The following DNAH3 variants were observed in gnomAD, a reference collection of about 807,000 sequenced individuals.
The protein encoded by DNAH3 is dynein axonemal heavy chain 3.
Under a neutral mutation model 432.5 loss-of-function variants are expected in DNAH3, and 332 were observed. That is an observed-to-expected ratio of 0.77 (90% CI 0.70 to 0.84). DNAH3 has a LOEUF of 0.84. DNAH3 is among the 40% of genes least tolerant of loss of function. The pLI is 0.00. For missense variants in DNAH3, 4,861 were observed against 5,114.0 expected (o/e 0.95, Z 1.51); for synonymous variants, 1,956 against 1,900.2 (o/e 1.03, Z -0.76).
At chr16:21,101,648 C>T (rs1162918633) in intron 16 of DNAH3, among the ~76,000 whole-genome samples, 2 of 152,142 alleles carry the variant, frequency 1.3e-5, no homozygotes, top group Non-Finnish European at 2.9e-5. Context: ...GACAGTGAGG[C>T]ACCCAGAGAC....
intron 41 of DNAH3, among the ~76,000 whole-genome samples, chr16:21,017,326 A>G (rs1299536059): frequency 6.6e-6 from 1 of 152,090 alleles, no homozygotes; most frequent in East Asian, 1.9e-4. Flanking sequence ...TCATCAAGCT[A>G]AAAGGAAAAG....
chr16:21,143,573 C>T (rs892186113), intron 3 of DNAH3, among the ~76,000 whole-genome samples: 20 of 152,136 alleles, frequency 1.3e-4, no homozygotes, highest in African/African-American at 4.6e-4. Flanking sequence ...CCAAAAGGAA[C>T]TAAGATGATG....
rs58778008 is a variant in DNAH3, at chr16:21,005,169, CTT to C, written c.6023-1964_6023-1963del. Among the ~76,000 whole-genome samples, 1,046 of 151,006 alleles carry C rather than the reference CTT, an allele frequency of 6.9e-3. 13 individuals carry two copies. Among genetic ancestry groups the C allele is most frequent in the African/African-American group, 0.024 (995 of 40,896 alleles). On this transcript the variant is annotated intron_variant, in intron 41 of 61. Transcript: ENST00000261383. ...TCTCGTCTCTTTCTTTTCTTTCTTT[CTT>C]TTTCTTTTTCTTTCTCTTTCTCTCT...
exon 24 of DNAH3, chr16:21,067,287 G>A: frequency 6.2e-7 from 1 of 1,613,630 alleles, no homozygotes. Flanking sequence ...GGATACCTGG[G>A]GAAGAATAGT....
chr16:21,010,429 T>A (rs1425741074), intron 41 of DNAH3, among the ~76,000 whole-genome samples: 2 of 151,978 alleles, frequency 1.3e-5, no homozygotes, highest in Admixed American at 1.3e-4. Flanking sequence ...GGTCACACAA[T>A]GAATGAGTGA....
At chr16:21,141,158 TTG>T in intron 4 of DNAH3, 140 bp downstream of exon 5, 1 of 691,252 alleles carries the variant, frequency 1.4e-6, no homozygotes, top group Non-Finnish European at 2.4e-6. Context: ...AATTTTTTTT[TTG>T]ATTAAAGTGA....
In DNAH3 at chr16:21,054,399, AG is replaced by A. The variant is rs1353182565; in HGVS notation, c.4039+20del. On this transcript the variant is annotated intron_variant, in intron 28 of 61. Transcript: ENST00000261383. ...CTTCTCCTGGATAGTCAGTAATGAC[AG>A]GGGAAGCCCCCTGGCTTACCGTGGA... 25 of 1,576,016 alleles carry A rather than the reference AG, an allele frequency of 1.6e-5. No individual in the cohort carries two copies. Among genetic ancestry groups the A allele is most frequent in the Non-Finnish European group, 2.2e-5 (25 of 1,145,784 alleles).
intron 52 of DNAH3, among the ~76,000 whole-genome samples, chr16:20,968,960 G>A (rs192387851): frequency 8.6e-5 from 13 of 151,364 alleles, no homozygotes; most frequent in Non-Finnish European, 1.3e-4. Context: ...TTTCTCTGTC[G>A]CTCTCTGCAT....
intron 28 of DNAH3, among the ~76,000 whole-genome samples, chr16:21,053,034 G>A (rs1014981762): frequency 1.3e-5 from 2 of 152,110 alleles, no homozygotes; most frequent in African/African-American, 4.8e-5. Context: ...GTGGATCTAG[G>A]CTGATGAGAA....
chr16:21,006,183 ATAG>A (rs920366383), intron 41 of DNAH3, among the ~76,000 whole-genome samples: 1 of 152,210 alleles, frequency 6.6e-6, no homozygotes, highest in African/African-American at 2.4e-5. Flanking sequence ...TCTAAGCAAT[ATAG>A]TAGATGTCTA....
chr16:20,974,342 T>C (rs2085477598), intron 51 of DNAH3, among the ~76,000 whole-genome samples: 1 of 151,152 alleles, frequency 6.6e-6, no homozygotes, highest in Non-Finnish European at 1.5e-5. Flanking sequence ...CTGGCCACTT[T>C]GTTTTGTTTT....
exon 19 of DNAH3, chr16:21,086,893 T>C: frequency 6.2e-7 from 1 of 1,614,184 alleles, no homozygotes; most frequent in Non-Finnish European, 8.5e-7. Flanking sequence ...CAGGAAATAC[T>C]GAGGATGGGA....
intron 21 of DNAH3, among the ~76,000 whole-genome samples, chr16:21,074,801 C>G (rs1338116819): frequency 6.6e-6 from 1 of 152,136 alleles, no homozygotes; most frequent in East Asian, 1.9e-4. Context: ...CCAAGAGCTG[C>G]AACCCTCATC....
At position 21,032,248 on chromosome 16, in the gene DNAH3, G is replaced by A. The variant is rs2088920603; in HGVS notation, c.5198-962C>T. ...GGCTTTGATTTGAAATGAGGAAACG[G>A]GAAACAGCTGACAGGTAAAAAGGTT... On this transcript the variant is annotated intron_variant, in intron 36 of 61. Transcript: ENST00000261383. Among the ~76,000 whole-genome samples, 2 of 152,172 alleles carry A rather than the reference G, an allele frequency of 1.3e-5. 1 individual carries two copies. The highest frequency in any genetic ancestry group is 2.9e-5 in the Non-Finnish European group (2 of 68,014).
chr16:21,090,032 A>AATGCT (rs2091484398), intron 18 of DNAH3, among the ~76,000 whole-genome samples: 2 of 152,110 alleles, frequency 1.3e-5, no homozygotes, highest in Non-Finnish European at 1.5e-5. Context: ...GTAATAAGGG[A>AATGCT]ATGCTATAAA....
At chr16:21,153,629 C>G (rs1156568918) in intron 1 of DNAH3, among the ~76,000 whole-genome samples, 1 of 152,164 alleles carries the variant, frequency 6.6e-6, no homozygotes, top group Non-Finnish European at 1.5e-5. Context: ...ATAGCTGTAA[C>G]ACTCACGGTG....
At chr16:20,970,333 G>C (rs2152636235) in intron 51 of DNAH3, among the ~76,000 whole-genome samples, 1 of 152,272 alleles carries the variant, frequency 6.6e-6, no homozygotes, top group African/African-American at 2.4e-5. Context: ...AGACCAGTCT[G>C]GCCAACATGG....
intron 20 of DNAH3, among the ~76,000 whole-genome samples, chr16:21,080,106 G>A (rs1038315833): frequency 1.4e-5 from 2 of 144,080 alleles, no homozygotes; most frequent in Non-Finnish European, 3.1e-5. Flanking sequence ...AGGCCAGCCT[G>A]GCCAATGTGG....
chr16:21,081,756 T>A, intron 19 of DNAH3, 29 bp from the exon 20 acceptor site: 8 of 1,599,584 alleles, frequency 5.0e-6, no homozygotes, highest in Non-Finnish European at 6.9e-6. Context: ...AGCAAATGTT[T>A]GTTGTCCGAG....
Sources: gnomAD v4.1 joint callset for allele counts (sites outside exome capture counted in the v4.1 genomes callset) on GRCh38, gnomAD v4.1.1 for gene constraint, MANE v1.5 for transcripts, NCBI Gene and HGNC (gene_info 2026-07-23, HGNC 2026-07-21) for gene names.